The following MT1A variants were observed in gnomAD, a reference collection of about 807,000 sequenced individuals.
MT1A encodes metallothionein 1A.
Under a neutral mutation model 5.5 loss-of-function variants are expected in MT1A, and 6 were observed. The observed-to-expected ratio is 1.09, with a 90% CI of 0.60 to 2.16. The LOEUF (loss-of-function observed/expected upper bound fraction) is 2.16. MT1A is among the 30% of genes most tolerant of loss of function. MT1A has a pLI of 0.00. For synonymous variants in MT1A, 23 were observed against 24.8 expected (o/e 0.93, Z 0.21); for missense variants, 69 against 73.4 (o/e 0.94, Z 0.22).
intron 1 of MT1A, 130 bp downstream of exon 1, chr16:56,638,896 T>G: frequency 8.7e-7 from 1 of 1,142,864 alleles, no homozygotes; most frequent in East Asian, 2.4e-5. Context: ...CTAGTGCTTT[T>G]CCACTCAGCG....
intron 2 of MT1A, among the ~76,000 whole-genome samples, chr16:56,639,581 G>A (rs1312590020): frequency 6.6e-6 from 1 of 152,218 alleles, no homozygotes; most frequent in African/African-American, 2.4e-5. Context: ...CCTCCCCTAA[G>A]TGTGTGGTTC....
In MT1A at chr16:56,639,878, C is replaced by G; in HGVS notation, c.114C>G (p.Pro38=). 1.2e-6 allele frequency: 2 copies of G among 1,614,176 alleles called. No homozygotes were observed. Among genetic ancestry groups the G allele is most frequent in the Non-Finnish European group, 1.7e-6 (2 of 1,180,028 alleles). The change falls in exon 3 of 3, where the codon CCC becomes CCG. Residue 38 remains proline, a synonymous_variant. Transcript: ENST00000290705. ...CCCCAGGCTGCTGCTCCTGCTGCCC[C>G]ATGAGCTGTGCCAAGTGTGCCCAGG... ...SCKKSCCSCC[P]MSCAKCAQGC... is the part of the protein sequence containing the mutation.
rs753991038 is a variant in MT1A at position 56,639,883 on chromosome 16, G to A, written c.119G>A (p.Ser40Asn). The change falls in exon 3 of 3, where the codon AGC (serine) becomes AAC (asparagine). Residue 40 changes from serine (S) to asparagine (N), a missense_variant. Coordinates refer to ENST00000290705, the MANE Select transcript of MT1A (RefSeq NM_005946.3). ...GGCTGCTGCTCCTGCTGCCCCATGA[G>A]CTGTGCCAAGTGTGCCCAGGGCTGC... is the stretch of plus-strand genomic sequence containing the variant. ...KKSCCSCCPM[S>N]CAKCAQGCIC... 10 of 1,614,064 alleles carry A rather than the reference G, an allele frequency of 6.2e-6. No individual in the cohort carries two copies. The highest frequency in any genetic ancestry group is 7.6e-6 in the Non-Finnish European group (9 of 1,180,030).
intron 2 of MT1A, among the ~76,000 whole-genome samples, chr16:56,639,625 C>G (rs1330385789): frequency 1.3e-5 from 2 of 152,204 alleles, no homozygotes; most frequent in Non-Finnish European, 2.9e-5. Context: ...CTTCATAACC[C>G]CAGTCACTGC....
intron 2 of MT1A, 80 bp downstream of exon 2, chr16:56,639,409 G>A: frequency 6.8e-7 from 1 of 1,466,846 alleles, no homozygotes; most frequent in Non-Finnish European, 9.5e-7. Context: ...TGGAGGAGTA[G>A]GCCAATGATC....
chr16:56,639,298 C>G lies in MT1A; in HGVS notation c.63C>G (p.Cys21Trp). ...GSCTCTGSCK[C>W]KECKCTSCKK... is the part of the protein sequence containing the mutation. ...GCACCTGCACTGGCTCCTGCAAATG[C>G]AAAGAGTGCAAATGCACCTCCTGCA... Residue 21 changes from cysteine to tryptophan, a missense_variant, in exon 2 of 3, where the codon TGC (cysteine) becomes TGG (tryptophan). Physicochemically the swap from Cys to Trp is radical, Grantham distance 215 (BLOSUM62 -2). Transcript: ENST00000290705. 6.2e-7 allele frequency: 1 copy of G among 1,612,154 alleles called. No individual in the cohort carries two copies. The highest frequency in any genetic ancestry group is 8.5e-7 in the Non-Finnish European group (1 of 1,178,648).
chr16:56,639,159 A>C, intron 1 of MT1A, 105 bp from the exon 2 acceptor site: 26 of 1,297,888 alleles, frequency 2.0e-5, no homozygotes, highest in Non-Finnish European at 2.5e-5. Context: ...TGAGTTGGAC[A>C]GGAGCTATCT....
Position 56,639,869 on chromosome 16 carries a change from C to T in MT1A, c.105C>T (p.Ser35=). The T allele has an allele frequency of 6.2e-7, 1 of 1,614,202 alleles. No individual in the cohort carries two copies. Among genetic ancestry groups the T allele is most frequent in the Non-Finnish European group, 8.5e-7 (1 of 1,180,034 alleles). The change falls in exon 3 of 3, where the codon TCC becomes TCT. Residue 35 remains serine, a synonymous_variant. Transcript: ENST00000290705. ...TCCCTTCTTCCCCAGGCTGCTGCTC[C>T]TGCTGCCCCATGAGCTGTGCCAAGT... ...KCTSCKKSCC[S]CCPMSCAKCA... is the part of the protein sequence containing the mutation.
In MT1A at chr16:56,639,268, C is replaced by G. The variant is rs200306188; in HGVS notation, c.33C>G (p.Gly11=). 13 of 1,611,760 alleles carry G rather than the reference C, an allele frequency of 8.1e-6. No homozygotes were observed. Among genetic ancestry groups the G allele is most frequent in the Middle Eastern group, 1.7e-4 (1 of 6,034 alleles). MDPNCSCATG[G]SCTCTGSCKC... ...GCCTTTTTCTCTTCCTTGCAGGTGG[C>G]TCCTGCACCTGCACTGGCTCCTGCA... Residue 11 remains glycine, a synonymous_variant, in exon 2 of 3, where the codon GGC becomes GGG. Coordinates refer to ENST00000290705, the MANE Select transcript of MT1A (RefSeq NM_005946.3).
At chr16:56,639,390 AGCTG>A in intron 2 of MT1A, 61 bp downstream of exon 2, 1 of 1,555,262 alleles carries the variant, frequency 6.4e-7, no homozygotes, top group Non-Finnish European at 8.9e-7. Context: ...AGGAAACCAG[AGCTG>A]GGCATGGAGG....
Position 56,639,964 on chromosome 16 carries a change from C to T in MT1A, c.*14C>T. Reference sequence around the variant, plus strand: ...TGCTGTGCCTGATGTCCGGACAGCCCTGCTCGAAGATATAGAAAGAGTGAC... The same window carrying T: ...TGCTGTGCCTGATGTCCGGACAGCCTTGCTCGAAGATATAGAAAGAGTGAC... On this transcript the variant is annotated 3_prime_UTR_variant, in exon 3 of 3. Coordinates refer to ENST00000290705, the MANE Select transcript of MT1A (RefSeq NM_005946.3). 1 of 1,614,032 alleles carries T rather than the reference C, an allele frequency of 6.2e-7. No homozygotes were observed. Among genetic ancestry groups the T allele is most frequent in the Non-Finnish European group, 8.5e-7 (1 of 1,179,936 alleles).
At chr16:56,639,837 C>T in intron 2 of MT1A, 22 bp from the exon 3 acceptor site, 1 of 1,614,014 alleles carries the variant, frequency 6.2e-7, no homozygotes, top group Admixed American at 1.7e-5. Flanking sequence ...GGTCTGACCT[C>T]TCACTCTCCC....
At chr16:56,639,722 C>G in intron 2 of MT1A, 137 bp from the exon 3 acceptor site, 1 of 1,151,008 alleles carries the variant, frequency 8.7e-7, no homozygotes, top group Non-Finnish European at 1.3e-6. Flanking sequence ...CCACTTATCT[C>G]CCATCTCCGA....
At chr16:56,639,772 G>A (rs1211840987) in intron 2 of MT1A, 87 bp from the exon 3 acceptor site, 1 of 1,552,536 alleles carries the variant, frequency 6.4e-7, no homozygotes, top group Non-Finnish European at 8.9e-7. Flanking sequence ...TCTGGGGCTG[G>A]GGACAGAGCT....
intron 1 of MT1A, 41 bp from the exon 2 acceptor site, chr16:56,639,223 T>C: frequency 6.2e-7 from 1 of 1,606,904 alleles, no homozygotes; most frequent in South Asian, 1.1e-5. Flanking sequence ...ACTGCTGTTA[T>C]CTTCTGTATA....
chr16:56,639,757 T>A, intron 2 of MT1A, 102 bp from the exon 3 acceptor site: 1 of 1,469,942 alleles, frequency 6.8e-7, no homozygotes. Flanking sequence ...CTGAACTAAG[T>A]GTCCTCTGGG....
Position 56,639,981 on chromosome 16 carries a change from A to G in MT1A, c.*31A>G, listed in dbSNP as rs146506562. The G allele has an allele frequency of 2.2e-3, 3,591 of 1,612,538 alleles. 15 individuals are homozygous for G. The highest frequency in any genetic ancestry group is 9.7e-3 in the Middle Eastern group (59 of 6,058). ...GGACAGCCCTGCTCGAAGATATAGA[A>G]AGAGTGACCTGCACAAACTTGGAAT... On this transcript the variant is annotated 3_prime_UTR_variant, in exon 3 of 3. Transcript: ENST00000290705.
At chr16:56,639,353 A>C (rs750233343) in intron 2 of MT1A, 24 bp downstream of exon 2, 2 of 1,609,204 alleles carry the variant, frequency 1.2e-6, no homozygotes, top group Admixed American at 3.3e-5. Context: ...CATCTCCAGG[A>C]ATCTGGGGCT....
chr16:56,639,466 A>G, intron 2 of MT1A, 137 bp downstream of exon 2: 1 of 1,137,906 alleles, frequency 8.8e-7, no homozygotes, highest in Non-Finnish European at 1.3e-6. Flanking sequence ...GATCAGAGCC[A>G]GATCTTTAGA....
Sources: gnomAD v4.1 joint callset for allele counts (sites outside exome capture counted in the v4.1 genomes callset) on GRCh38, gnomAD v4.1.1 for gene constraint, MANE v1.5 for transcripts, NCBI Gene and HGNC (gene_info 2026-07-23, HGNC 2026-07-21) for gene names.